HPS4: variants seen among roughly 807,000 people sequenced by gnomAD.
HPS4 encodes the protein HPS4 biogenesis of lysosomal organelles complex 3 subunit 2.
Under a neutral mutation model 70.3 loss-of-function variants are expected in HPS4, and 44 were observed. That is an observed-to-expected ratio of 0.63 (90% CI 0.49 to 0.80). The LOEUF (loss-of-function observed/expected upper bound fraction) is 0.80. Ranked by LOEUF, HPS4 falls within the 30% of genes least tolerant of loss-of-function variation. HPS4 has a pLI of 0.00. For synonymous variants in HPS4, 377 were observed against 355.9 expected (o/e 1.06, Z -0.67); for missense variants, 873 against 884.4 (o/e 0.99, Z 0.16).
intron 2 of HPS4, among the ~76,000 whole-genome samples, chr22:26,480,741 A>AC (rs572766183): frequency 6.6e-6 from 1 of 151,910 alleles, no homozygotes; most frequent in Non-Finnish European, 1.5e-5. Context: ...ACACCGTGAA[A>AC]CCCCATCTCC....
chr22:26,447,046 C>A (rs1176115840), downstream of HPS4, among the ~76,000 whole-genome samples: 1 of 152,204 alleles, frequency 6.6e-6, no homozygotes, highest in African/African-American at 2.4e-5. Context: ...GCTTTTAAAC[C>A]TATCCTGCCA....
chr22:26,446,207 C>T (rs542555971), downstream of HPS4, among the ~76,000 whole-genome samples: 45 of 152,288 alleles, frequency 3.0e-4, no homozygotes, highest in African/African-American at 1.1e-3. Context: ...CTCAAGCTCC[C>T]TCTGTTCCCA....
At chr22:26,460,711 A>C (rs1483806730) in intron 11 of HPS4, among the ~76,000 whole-genome samples, 3 of 152,242 alleles carry the variant, frequency 2.0e-5, no homozygotes, top group Non-Finnish European at 4.4e-5. Flanking sequence ...GCTTTCATAC[A>C]TACCAGGGGT....
chr22:26,468,389 G>T, intron 8 of HPS4, 162 bp downstream of exon 8: 1 of 684,206 alleles, frequency 1.5e-6, no homozygotes, highest in South Asian at 1.6e-5. Flanking sequence ...CCTCACCAAT[G>T]GCTTCACTAC....
downstream of HPS4, among the ~76,000 whole-genome samples, chr22:26,449,583 G>A (rs1264156388): frequency 1.3e-5 from 2 of 151,850 alleles, no homozygotes; most frequent in African/African-American, 2.4e-5. Context: ...CACCCGCCTC[G>A]GCCTCCCAAA....
exon 4 of HPS4, chr22:26,444,308 T>C (rs552488526): frequency 5.1e-4 from 78 of 152,282 alleles, no homozygotes; most frequent in African/African-American, 1.8e-3. Flanking sequence ...TGGCCCTGTG[T>C]CTTTGTCATG....
chr22:26,446,753 TGA>T (rs1342374324), downstream of HPS4, among the ~76,000 whole-genome samples: 3 of 152,196 alleles, frequency 2.0e-5, no homozygotes. Flanking sequence ...TTTGTTTTTT[TGA>T]GACAGAGTCT....
rs1444058272 is a variant in HPS4 at position 26,472,432 on chromosome 22, A to T, written c.385-14T>A. ...CTGAGAACAGTTCTAAAACAGAAAG[A>T]GCCTCAGGTCAATATCTGAGATTTT... On this transcript the variant is annotated splice_polypyrimidine_tract_variant and intron_variant, in intron 5 of 13. Coordinates refer to ENST00000398145, the MANE Select transcript of HPS4 (RefSeq NM_022081.6). The T allele has an allele frequency of 1.3e-6, 2 of 1,482,772 alleles. No individual in the cohort carries two copies. Among genetic ancestry groups the T allele is most frequent in the Non-Finnish European group, 1.9e-6 (2 of 1,060,196 alleles). The allele number at this position is 1,482,772 out of a possible 1,614,324, so 91.9% of individuals were successfully genotyped here.
At chr22:26,473,190 C>T (rs539405817) in intron 4 of HPS4, among the ~76,000 whole-genome samples, 1 of 152,350 alleles carries the variant, frequency 6.6e-6, no homozygotes, top group Non-Finnish European at 1.5e-5. Flanking sequence ...GAACTTACAA[C>T]CTTCAGTGCC....
chr22:26,471,286 T>C, intron 6 of HPS4: 2 of 445,416 alleles, frequency 4.5e-6, no homozygotes, highest in South Asian at 3.2e-5. Flanking sequence ...CCAGGTTCCA[T>C]GACTCTATTC....
rs1236154997 is a variant in HPS4 at position 26,463,944 on chromosome 22, C to A, written c.1686G>T (p.Leu562=). Residue 562 remains leucine (L), a synonymous_variant, in exon 11 of 14, where the codon CTG becomes CTT. Transcript: ENST00000398145. The part of the protein sequence containing the change: ...VLSLLAEEPL[L]GDSAAIEEVY... ...CTTCCTCTATGGCTGCGCTGTCTCC[C>A]AGCAGCGGCTCCTCAGCCAGCAGGG... is the stretch of plus-strand genomic sequence containing the variant. 1.6e-5 allele frequency: 26 copies of A among 1,613,874 alleles called. No individual in the cohort carries two copies. Among genetic ancestry groups the A allele is most frequent in the Non-Finnish European group, 2.0e-5 (24 of 1,180,038 alleles).
chr22:26,467,673 A>G (rs737801), intron 8 of HPS4: 127,392 of 152,168 alleles, frequency 0.84, 53,988 homozygotes, highest in Non-Finnish European at 0.91. Context: ...TCACTAATAC[A>G]TGTAAAAAGA....
At position 26,452,534 on chromosome 22, in the gene HPS4, C is replaced by G; in HGVS notation, c.*699G>C. The G allele has an allele frequency of 2.9e-6, 1 of 348,384 alleles. No homozygotes were observed. The highest frequency in any genetic ancestry group is 5.6e-6 in the Non-Finnish European group (1 of 178,020). 21.6% of individuals were successfully genotyped at this position (348,384 alleles called of 1,614,324 possible). On this transcript the variant is annotated 3_prime_UTR_variant, in exon 14 of 14. Transcript: ENST00000398145. ...AGGTTGGTCCTGTTGTCACTGAATT[C>G]TCAGGGCTCAGCCCCCAGAGCTTTT...
chr22:26,456,711 GACTAATATA>G (rs1221172111), intron 13 of HPS4, among the ~76,000 whole-genome samples: 1 of 151,526 alleles, frequency 6.6e-6, no homozygotes, highest in Non-Finnish European at 1.5e-5. Flanking sequence ...GGACTACGTG[GACTAATATA>G]CACATTGCCA....
At chr22:26,483,110 G>A (rs1208947370) in intron 1 of HPS4, among the ~76,000 whole-genome samples, 1 of 152,130 alleles carries the variant, frequency 6.6e-6, no homozygotes, top group Non-Finnish European at 1.5e-5. Context: ...TCTCTTCTCA[G>A]CTCTAGATAT....
chr22:26,478,548 G>A (rs575937094), intron 3 of HPS4, among the ~76,000 whole-genome samples: 16 of 132,940 alleles, frequency 1.2e-4, no homozygotes, highest in Admixed American at 1.1e-3. Flanking sequence ...TCCACCCTGG[G>A]TGACAGAGTG....
At chr22:26,483,130 G>A (rs2091463144) in intron 1 of HPS4, among the ~76,000 whole-genome samples, 1 of 152,102 alleles carries the variant, frequency 6.6e-6, no homozygotes, top group Non-Finnish European at 1.5e-5. Flanking sequence ...TTTTGGATTG[G>A]GCCTCCACAG....
intron 6 of HPS4, 107 bp from the exon 7 acceptor site, chr22:26,470,920 AG>A (rs1318603309): frequency 1.3e-6 from 2 of 1,556,170 alleles, no homozygotes; most frequent in Non-Finnish European, 1.7e-6. Flanking sequence ...TGTAGCTCAA[AG>A]CCTGGAAAAG....
In HPS4 at chr22:26,466,246, T is replaced by C. The variant is rs713998; in HGVS notation, c.686A>G (p.Glu229Gly). The C allele has an allele frequency of 0.87, 1,406,299 of 1,613,862 alleles. 616,234 individuals carry two copies. Among genetic ancestry groups the C allele is most frequent in the South Asian group, 0.9 (82,389 of 91,078 alleles). Reference protein sequence around the residue: ...APQEQRLPTGEDAPQEHGAAL... With the variant: ...APQEQRLPTGGDAPQEHGAAL... ...CTTACCATGTTCCTGCGGGGCATCC[T>C]CTCCCGTAGGGAGTCTCTGAAAACA... Residue 229 changes from glutamate (E) to glycine (G), a missense_variant, in exon 9 of 14, where the codon GAG (glutamate) becomes GGG (glycine). Coordinates refer to ENST00000398145, the MANE Select transcript of HPS4 (RefSeq NM_022081.6).
Sources: gnomAD v4.1 joint callset for allele counts (sites outside exome capture counted in the v4.1 genomes callset) on GRCh38, gnomAD v4.1.1 for gene constraint, MANE v1.5 for transcripts, NCBI Gene and HGNC (gene_info 2026-07-23, HGNC 2026-07-21) for gene names.